The following LRRFIP1 variants were observed in gnomAD, a reference collection of about 807,000 sequenced individuals.
The protein encoded by LRRFIP1 is leucine-rich repeat flightless-interacting protein 1.
A neutral mutation model predicts 104.4 loss-of-function variants in LRRFIP1; 62 were observed. The ratio of observed to expected loss-of-function variants is 0.59; its 90% CI spans 0.48 to 0.73. LRRFIP1 has a LOEUF of 0.73. LRRFIP1 is among the 30% of genes least tolerant of loss of function. The pLI, the probability that LRRFIP1 is intolerant of heterozygous loss-of-function variation, is 0.00. For synonymous variants in LRRFIP1, 300 were observed against 299.0 expected, an observed-to-expected ratio of 1.00 and a Z score of -0.03; for missense variants, 796 against 824.5, an observed-to-expected ratio of 0.97 and a Z score of 0.42.
chr2:237,749,152 G>A (rs1427910104), intron 12 of LRRFIP1, 47 bp from the exon 13 acceptor site: 2 of 1,584,578 alleles, frequency 1.3e-6, no homozygotes, highest in Admixed American at 3.6e-5. Flanking sequence ...TTTGGGTGGG[G>A]ACACAGAGCT....
chr2:237,647,970 A>C (rs2085250951), intron 1 of LRRFIP1, among the ~76,000 whole-genome samples: 1 of 152,096 alleles, frequency 6.6e-6, no homozygotes, highest in Non-Finnish European at 1.5e-5. Context: ...ATTTTTCCAG[A>C]ATCTGGGGGA....
At chr2:237,772,280 C>A in intron 21 of LRRFIP1, 82 bp downstream of exon 21, 2 of 1,100,980 alleles carry the variant, frequency 1.8e-6, no homozygotes, top group Non-Finnish European at 1.4e-6. Context: ...AAAACTGTCA[C>A]GGCAAAGAAT....
chr2:237,671,798 G>GCC lies in LRRFIP1; in HGVS notation c.97-36746_97-36745insCC, dbSNP rs1378251949. Reference sequence around the variant, plus strand: ...TGTGCATGCCTGTGTGTGTGCAGGTGTGTGTGTGCCTGCATGTGTGTGTGC... The same window carrying GCC: ...TGTGCATGCCTGTGTGTGTGCAGGTGCCTGTGTGTGCCTGCATGTGTGTGTGC... On this transcript the variant is annotated intron_variant, in intron 1 of 23. Transcript: ENST00000308482. Among the ~76,000 whole-genome samples the GCC allele has an allele frequency of 3.3e-5, 5 of 150,886 alleles. No homozygotes were observed. In the Admixed American group the frequency reaches 3.3e-4, roughly 10 times the overall value.
At chr2:237,690,174 G>A (rs1276932587) in intron 1 of LRRFIP1, among the ~76,000 whole-genome samples, 2 of 152,170 alleles carry the variant, frequency 1.3e-5, no homozygotes, top group Non-Finnish European at 2.9e-5. Flanking sequence ...TTGCCTCAGG[G>A]ACATGCCAAG....
intron 23 of LRRFIP1, among the ~76,000 whole-genome samples, chr2:237,778,216 C>T (rs2061253447): frequency 6.6e-6 from 1 of 152,186 alleles, no homozygotes; most frequent in African/African-American, 2.4e-5. Flanking sequence ...CTTGTGGAAA[C>T]TTCCTGCAAA....
chr2:237,628,904 A>G (rs2081966039), intron 1 of LRRFIP1, among the ~76,000 whole-genome samples: 1 of 152,194 alleles, frequency 6.6e-6, no homozygotes, highest in South Asian at 2.1e-4. Context: ...TTTTCTCTGT[A>G]TGATACAGAA....
intron 1 of LRRFIP1, among the ~76,000 whole-genome samples, chr2:237,663,526 G>A (rs1394511641): frequency 6.6e-6 from 1 of 152,204 alleles, no homozygotes; most frequent in Non-Finnish European, 1.5e-5. Flanking sequence ...GAATCTGCTG[G>A]CACCTTGATC....
chr2:237,675,201 C>T (rs1450738528), intron 1 of LRRFIP1, among the ~76,000 whole-genome samples: 1 of 152,204 alleles, frequency 6.6e-6, no homozygotes, highest in East Asian at 1.9e-4. Context: ...TTGTCTCCAG[C>T]CCTAGCTGTT....
chr2:237,630,445 T>G (rs931835891), intron 1 of LRRFIP1, among the ~76,000 whole-genome samples: 1 of 151,836 alleles, frequency 6.6e-6, no homozygotes, highest in Admixed American at 6.6e-5. Context: ...AGGAGTTGGG[T>G]CAGAAAGGGG....
At chr2:237,674,951 C>T (rs1407628772) in intron 1 of LRRFIP1, among the ~76,000 whole-genome samples, 1 of 152,256 alleles carries the variant, frequency 6.6e-6, no homozygotes, top group Non-Finnish European at 1.5e-5. Context: ...CCCTATCGGG[C>T]CCTGCCCCCA....
Position 237,703,920 on chromosome 2 carries a change from G to A in LRRFIP1, c.97-4624G>A, listed in dbSNP as rs1408407721. Among the ~76,000 whole-genome samples, 1 of 152,134 alleles carries A rather than the reference G, an allele frequency of 6.6e-6. No homozygotes were observed. Among genetic ancestry groups the A allele is most frequent in the East Asian group, 1.9e-4 (1 of 5,176 alleles). Reference sequence around the variant, plus strand: ...TGTTCAGAAGCTCTTCAAGCAGTCTGACGTGGCTGTGGCCCGTCATGAGAT... The same window carrying A: ...TGTTCAGAAGCTCTTCAAGCAGTCTAACGTGGCTGTGGCCCGTCATGAGAT... On this transcript the variant is annotated intron_variant, in intron 1 of 23. Transcript: ENST00000308482. This position sits in a 1 kb window ranked among gnomAD's most constrained non-coding sequence, Gnocchi z 4.3.
intron 19 of LRRFIP1, chr2:237,768,180 A>G (rs2060359357): frequency 6.6e-6 from 1 of 152,086 alleles, no homozygotes; most frequent in Non-Finnish European, 1.5e-5. Context: ...ATTTTGCTTC[A>G]TTTCTTTTTC....
At position 237,691,834 on chromosome 2, in the gene LRRFIP1, G is replaced by A. The variant is rs1215588872; in HGVS notation, c.97-16710G>A. 4.6e-5 allele frequency among the ~76,000 whole-genome samples: 7 copies of A among 152,266 alleles called. No individual in the cohort carries two copies. The highest frequency in any genetic ancestry group is 1.3e-4 in the Admixed American group (2 of 15,308). ...CCTCCAGGTCCTCTTTCCGGCGGGG[G>A]CCGGAGGGGTGGTGATGGACAGCCC... On this transcript the variant is annotated intron_variant, in intron 1 of 23. Coordinates refer to ENST00000308482, the MANE Select transcript of LRRFIP1 (RefSeq NM_001137550.2). The surrounding 1 kb of genome is among the most constrained non-coding windows in gnomAD (Gnocchi z 5.4).
chr2:237,752,900 C>T (rs2058799437), intron 14 of LRRFIP1, among the ~76,000 whole-genome samples: 1 of 152,214 alleles, frequency 6.6e-6, no homozygotes, highest in South Asian at 2.1e-4. Context: ...CACACTGGCT[C>T]TTTCACAAGG....
intron 1 of LRRFIP1, among the ~76,000 whole-genome samples, chr2:237,630,612 T>G (rs2082204410): frequency 6.6e-6 from 1 of 152,252 alleles, no homozygotes; most frequent in South Asian, 2.1e-4. Flanking sequence ...TTTTGAGTTC[T>G]TGAAGGCTGT....
Position 237,774,390 on chromosome 2 carries a change from C to T in LRRFIP1, c.1740C>T (p.Tyr580=), listed in dbSNP as rs774032119. 1 of 1,613,558 alleles carries T rather than the reference C, an allele frequency of 6.2e-7. No homozygotes were observed. Among genetic ancestry groups the T allele is most frequent in the Admixed American group, 1.7e-5 (1 of 60,002 alleles). ...GGTTAGAGAGTCAAGTATCACGTTA[C>T]AAATCAGCGGCTGAAAATGCAGAAA... is the stretch of plus-strand genomic sequence containing the variant. ...VIRLESQVSR[Y]KSAAENAEKI... is the part of the protein sequence containing the mutation. The change falls in exon 23 of 24, where the codon TAC becomes TAT. Residue 580 remains tyrosine, a synonymous_variant. Transcript: ENST00000308482.
chr2:237,756,593 G>C (rs1463885427), intron 16 of LRRFIP1, among the ~76,000 whole-genome samples: 1 of 152,174 alleles, frequency 6.6e-6, no homozygotes, highest in Admixed American at 6.5e-5. Context: ...AATTTAGAGG[G>C]ACACAATTCA....
At chr2:237,776,345 T>G (rs2061095511) in intron 23 of LRRFIP1, among the ~76,000 whole-genome samples, 1 of 152,256 alleles carries the variant, frequency 6.6e-6, no homozygotes, top group Non-Finnish European at 1.5e-5. Flanking sequence ...AATACTTGCT[T>G]AATGGCCTGA....
In LRRFIP1 at chr2:237,739,453, G is replaced by A. The variant is rs574551215; in HGVS notation, c.633+144G>A. On this transcript the variant is annotated intron_variant, in intron 11 of 23. Coordinates refer to ENST00000308482, the MANE Select transcript of LRRFIP1 (RefSeq NM_001137550.2). ...TACATTGCTCAACTTTTCAAGGACCGTAAAAGAAATTGTTAGCTGTGCTTA... is the reference window on the plus strand; with the variant it reads ...TACATTGCTCAACTTTTCAAGGACCATAAAAGAAATTGTTAGCTGTGCTTA... 2.5e-5 allele frequency: 20 copies of A among 785,952 alleles called. No individual in the cohort carries two copies. The East Asian group carries it at 2.7e-4, about 11-fold the overall frequency. 48.7% of individuals were successfully genotyped at this position (785,952 alleles called of 1,614,324 possible).
Sources: gnomAD v4.1 joint callset for allele counts (sites outside exome capture counted in the v4.1 genomes callset) on GRCh38, gnomAD v4.1.1 for gene constraint, Gnocchi (gnomAD v3.1) non-coding constraint, MANE v1.5 for transcripts, NCBI Gene and HGNC (gene_info 2026-07-23, HGNC 2026-07-21) for gene names.